The following KCTD21 variants were observed in gnomAD, a reference collection of about 807,000 sequenced individuals.
The protein encoded by KCTD21 is potassium channel tetramerization domain containing 21.
Under a neutral mutation model 13.2 loss-of-function variants are expected in KCTD21, and 9 were observed. The ratio of observed to expected loss-of-function variants is 0.68; its 90% CI spans 0.41 to 1.19. The LOEUF is 1.19. Among genes scored for constraint, KCTD21 ranks in the 50% most tolerant of loss-of-function variants. KCTD21 has a pLI of 0.01. For missense variants in KCTD21, 303 were observed against 336.5 expected, an observed-to-expected ratio of 0.90 and a Z score of 0.78; for synonymous variants, 142 against 137.4, an observed-to-expected ratio of 1.03 and a Z score of -0.23.
chr11:78,180,713 T>A (rs1030903800), intron 1 of KCTD21, among the ~76,000 whole-genome samples: 1 of 152,186 alleles, frequency 6.6e-6, no homozygotes, highest in African/African-American at 2.4e-5. Flanking sequence ...CATAGAACAA[T>A]GGAAACCTCA....
At chr11:78,179,968 C>T (rs561520595) in intron 1 of KCTD21, among the ~76,000 whole-genome samples, 16 of 152,294 alleles carry the variant, frequency 1.1e-4, no homozygotes, top group Non-Finnish European at 1.9e-4. Context: ...ACATGGCCCT[C>T]TTCCCTGGCT....
chr11:78,180,212 C>T lies in KCTD21; in HGVS notation c.-29-5629G>A, dbSNP rs473994. On this transcript the variant is annotated intron_variant, in intron 1 of 1. Coordinates refer to ENST00000340067, the MANE Select transcript of KCTD21 (RefSeq NM_001029859.3). ...ACATCAATAAACTAGACTTCATCCACGTAAAAAACTTCTGCTCTTCAAAAG... is the reference window on the plus strand; with the variant it reads ...ACATCAATAAACTAGACTTCATCCATGTAAAAAACTTCTGCTCTTCAAAAG... 1.8e-3 allele frequency among the ~76,000 whole-genome samples: 277 copies of T among 152,288 alleles called. 6 individuals carry two copies. Among genetic ancestry groups the T allele is most frequent in the Admixed American group, 0.016 (245 of 15,292 alleles).
intron 1 of KCTD21, 30 bp from the exon 2 acceptor site, chr11:78,174,613 A>G: frequency 6.8e-7 from 1 of 1,479,090 alleles, no homozygotes; most frequent in Non-Finnish European, 9.1e-7. Flanking sequence ...AGAAATGACT[A>G]TAACCAAACC....
chr11:78,186,402 A>AAAAAAAAAAAAAAAC (rs71046958), intron 1 of KCTD21, among the ~76,000 whole-genome samples: 6 of 132,086 alleles, frequency 4.5e-5, no homozygotes, highest in Non-Finnish European at 5.1e-5. Flanking sequence ...AAAAAAAAAA[A>AAAAAAAAAAAAAAAC]AAAAAGAAAA....
At chr11:78,184,708 G>T (rs1046085236) in intron 1 of KCTD21, among the ~76,000 whole-genome samples, 21 of 151,716 alleles carry the variant, frequency 1.4e-4, no homozygotes, top group Admixed American at 1.4e-3. Context: ...GACTGGATCT[G>T]ATTTTAAAAA....
At chr11:78,184,761 T>TTCC (rs371038411) in intron 1 of KCTD21, among the ~76,000 whole-genome samples, 3,870 of 110,452 alleles carry the variant, frequency 0.035, 81 homozygotes, top group Middle Eastern at 0.12. Context: ...AGAATTTTTT[T>TTCC]TTTCTTGAGA....
At chr11:78,184,362 AGT>A (rs1429763059) in intron 1 of KCTD21, among the ~76,000 whole-genome samples, 1 of 151,884 alleles carries the variant, frequency 6.6e-6, no homozygotes, top group East Asian at 1.9e-4. Context: ...TTTGAGATAG[AGT>A]CACACTCTGT....
chr11:78,186,292 G>A (rs73505292), intron 1 of KCTD21, among the ~76,000 whole-genome samples: 6,433 of 144,118 alleles, frequency 0.045, 408 homozygotes, highest in African/African-American at 0.15. Context: ...AGGATCGCTT[G>A]AGCCTGGGAG....
At chr11:78,184,765 C>CTTTT (rs59249406) in intron 1 of KCTD21, among the ~76,000 whole-genome samples, 62,585 of 149,312 alleles carry the variant, frequency 0.42, 13,062 homozygotes, top group East Asian at 0.64. Context: ...TTTTTTTTTT[C>CTTTT]TTGAGACAGG....
chr11:78,178,064 G>T (rs1214951376), intron 1 of KCTD21: 1 of 152,196 alleles, frequency 6.6e-6, no homozygotes, highest in African/African-American at 2.4e-5. Flanking sequence ...CGAGTCTAGG[G>T]TGCTCTCTGT....
chr11:78,173,637 G>A lies in KCTD21; in HGVS notation c.*135C>T, dbSNP rs1364561096. 2 of 758,218 alleles carry A rather than the reference G, an allele frequency of 2.6e-6. No individual in the cohort carries two copies. Among genetic ancestry groups the A allele is most frequent in the Non-Finnish European group, 4.4e-6 (2 of 459,046 alleles). 47.0% of individuals were successfully genotyped at this position (758,218 alleles called of 1,614,324 possible). On this transcript the variant is annotated 3_prime_UTR_variant, in exon 2 of 2. Transcript: ENST00000340067. ...TCCAAAAGGTGGACTTCATCATGGG[G>A]GGAATCAAGTCCTGCTACACAATTA...
At chr11:78,182,123 G>C (rs571362442) in intron 1 of KCTD21, among the ~76,000 whole-genome samples, 79 of 152,250 alleles carry the variant, frequency 5.2e-4, no homozygotes, top group African/African-American at 1.8e-3. Flanking sequence ...TTTTAGATTT[G>C]TCCCCAGCTG....
intron 1 of KCTD21, among the ~76,000 whole-genome samples, chr11:78,186,427 G>C (rs1686214695): frequency 6.8e-6 from 1 of 147,598 alleles, no homozygotes; most frequent in South Asian, 2.2e-4. Context: ...TGGAGAGGCT[G>C]TGTGGGGTAG....
At chr11:78,175,584 C>T (rs1356570635) in intron 1 of KCTD21, among the ~76,000 whole-genome samples, 1 of 152,126 alleles carries the variant, frequency 6.6e-6, no homozygotes, top group Admixed American at 6.5e-5. Context: ...TCCTTCTGTA[C>T]CAGTGACACT....
At chr11:78,183,534 TC>T (rs746230609) in intron 1 of KCTD21, among the ~76,000 whole-genome samples, 41 of 149,808 alleles carry the variant, frequency 2.7e-4, no homozygotes, top group Non-Finnish European at 3.7e-4. Flanking sequence ...AGACTCCATC[TC>T]AAAAACAAAC....
chr11:78,173,627 T>A lies in KCTD21; in HGVS notation c.*145A>T. The A allele has an allele frequency of 1.4e-6, 1 of 737,670 alleles. No individual in the cohort carries two copies. The highest frequency in any genetic ancestry group is 2.3e-6 in the Non-Finnish European group (1 of 442,160). 45.7% of individuals were successfully genotyped at this position (737,670 alleles called of 1,614,324 possible). On this transcript the variant is annotated 3_prime_UTR_variant, in exon 2 of 2. Transcript: ENST00000340067. The stretch of plus-strand genomic sequence containing the variant: ...GACACTGGATTCCAAAAGGTGGACT[T>A]CATCATGGGGGGAATCAAGTCCTGC...
In KCTD21 at chr11:78,172,230, G is replaced by A. The variant is rs965471334; in HGVS notation, c.*1542C>T. On this transcript the variant is annotated 3_prime_UTR_variant, in exon 2 of 2. Transcript: ENST00000340067. ...AGTGCTTGGGTTGCTTGCCCTGGAT[G>A]GCACCCTACAGAGACCCAGGGGTGG... 1.3e-5 allele frequency: 2 copies of A among 152,428 alleles called. No individual in the cohort carries two copies. Among genetic ancestry groups the A allele is most frequent in the Non-Finnish European group, 2.9e-5 (2 of 68,198 alleles). The allele number at this position is 152,428 out of a possible 1,614,324, so 9.4% of individuals were successfully genotyped here.
At chr11:78,188,418 C>T (rs1256428930) in intron 1 of KCTD21, 155 bp downstream of exon 1, 1 of 985,588 alleles carries the variant, frequency 1.0e-6, no homozygotes, top group East Asian at 1.1e-4. Context: ...AAACGCGCCC[C>T]CTCCCCCGCA....
intron 1 of KCTD21, among the ~76,000 whole-genome samples, chr11:78,177,329 G>T (rs944578162): frequency 1.3e-5 from 2 of 152,236 alleles, no homozygotes; most frequent in African/African-American, 4.8e-5. Context: ...TGTCTGAGGA[G>T]AAATGAGTCC....
Sources: gnomAD v4.1 joint callset for allele counts (sites outside exome capture counted in the v4.1 genomes callset) on GRCh38, gnomAD v4.1.1 for gene constraint, MANE v1.5 for transcripts, NCBI Gene and HGNC (gene_info 2026-07-23, HGNC 2026-07-21) for gene names.